TRIM34: variants seen among roughly 807,000 people sequenced by gnomAD.
TRIM34 encodes tripartite motif containing 34, also known as E3 ubiquitin-protein ligase TRIM34.
A neutral mutation model predicts 38.1 loss-of-function variants in TRIM34; 41 were observed. That is an observed-to-expected ratio of 1.08 (90% CI 0.84 to 1.40). The LOEUF is 1.40. TRIM34 is among the 40% of genes most tolerant of loss of function. The probability of loss-of-function intolerance (pLI) is 0.00; values close to 1 mark genes in which losing one functional copy is unlikely to be tolerated. For synonymous variants in TRIM34, 200 were observed against 202.5 expected (o/e 0.99, Z 0.10); for missense variants, 556 against 571.4 (o/e 0.97, Z 0.27).
At chr11:5,632,806 A>C in intron 2 of TRIM34, 52 bp downstream of exon 2, 3 of 1,459,974 alleles carry the variant, frequency 2.1e-6, no homozygotes, top group Non-Finnish European at 2.7e-6. Flanking sequence ...TTGGTGGAAA[A>C]TCTCACCTTT....
At chr11:5,627,734 G>C (rs1453179794) in intron 1 of TRIM34, among the ~76,000 whole-genome samples, 1 of 152,174 alleles carries the variant, frequency 6.6e-6, no homozygotes, top group Non-Finnish European at 1.5e-5. Context: ...CAATGTTTCT[G>C]AGCTCTCAGG....
intron 4 of TRIM34, among the ~76,000 whole-genome samples, chr11:5,639,506 C>T (rs1849893747): frequency 1.3e-5 from 2 of 151,610 alleles, no homozygotes; most frequent in African/African-American, 4.8e-5. Context: ...CAGTGAAACC[C>T]CGTCTCTACT....
upstream of TRIM34, among the ~76,000 whole-genome samples, chr11:5,622,444 CAAAAAAAA>C (rs58936463): frequency 1.7e-5 from 2 of 116,422 alleles, no homozygotes; most frequent in African/African-American, 6.5e-5. Context: ...GACTACCTCT[CAAAAAAAA>C]AAAAAAGAAA....
At chr11:5,636,371 T>A (rs1180488453) in intron 4 of TRIM34, among the ~76,000 whole-genome samples, 1 of 152,188 alleles carries the variant, frequency 6.6e-6, no homozygotes, top group South Asian at 2.1e-4. Context: ...TGGGGAAGAA[T>A]AGGAAGTAAT....
chr11:5,628,714 C>CTAGG, intron 1 of TRIM34, among the ~76,000 whole-genome samples: 1 of 152,174 alleles, frequency 6.6e-6, no homozygotes, highest in South Asian at 2.1e-4. Context: ...CTGTTGTAAC[C>CTAGG]AATTATCACA....
Position 5,633,804 on chromosome 11 carries a change from G to A in TRIM34, c.424G>A (p.Glu142Lys). 1 of 1,613,414 alleles carries A rather than the reference G, an allele frequency of 6.2e-7. No homozygotes were observed. The highest frequency in any genetic ancestry group is 8.5e-7 in the Non-Finnish European group (1 of 1,179,740). ...LTEEVFKECQEKLQAVLKRLK... is the reference protein window; with the variant it reads ...LTEEVFKECQKKLQAVLKRLK... ...CTGTAGTGTGATTCCCTTCTCATAG[G>A]AGAAACTCCAGGCAGTCCTCAAGAG... The change falls in exon 3 of 8, where the codon GAG becomes AAG. Residue 142 changes from glutamate (E) to lysine (K), a missense_variant and splice_region_variant. Coordinates refer to ENST00000429814, the MANE Select transcript of TRIM34 (RefSeq NM_021616.6).
At chr11:5,635,107 A>T (rs1426010331) in intron 4 of TRIM34, among the ~76,000 whole-genome samples, 1 of 152,212 alleles carries the variant, frequency 6.6e-6, no homozygotes, top group African/African-American at 2.4e-5. Context: ...TATGTGATCT[A>T]GTGTCAAGCA....
chr11:5,632,777 A>G, intron 2 of TRIM34, 23 bp downstream of exon 2: 1 of 1,437,486 alleles, frequency 7.0e-7, no homozygotes. Context: ...ATGGAGGGAG[A>G]TGGGGCAGAA....
At chr11:5,620,313 G>C (rs535519830), upstream of TRIM34, among the ~76,000 whole-genome samples, 61 of 151,390 alleles carry the variant, frequency 4.0e-4, no homozygotes, top group Non-Finnish European at 7.1e-4. Flanking sequence ...AAGTAACTGG[G>C]ACTACAGGCG....
At chr11:5,637,153 A>C (rs1381750840) in intron 4 of TRIM34, among the ~76,000 whole-genome samples, 1 of 140,706 alleles carries the variant, frequency 7.1e-6, no homozygotes, top group Non-Finnish European at 1.5e-5. Flanking sequence ...AGCCTGGGCG[A>C]CAGAGCGAGA....
chr11:5,634,963 C>T, intron 4 of TRIM34, 102 bp downstream of exon 4: 2 of 1,279,498 alleles, frequency 1.6e-6, no homozygotes, highest in Non-Finnish European at 2.1e-6. Flanking sequence ...TTTGGCCTTG[C>T]AGTGCCGCCT....
rs1035141276 is a variant in TRIM34, at chr11:5,639,621, A to G, written c.751-1546A>G. On this transcript the variant is annotated intron_variant, in intron 4 of 7. Coordinates refer to ENST00000429814, the MANE Select transcript of TRIM34 (RefSeq NM_021616.6). Reference sequence around the variant, plus strand: ...CTTGAACCGGGGAGGTGGAGGTTGCAGCGAGCCAAGTTCGCACCACTGCAC... The same window carrying G: ...CTTGAACCGGGGAGGTGGAGGTTGCGGCGAGCCAAGTTCGCACCACTGCAC... Among the ~76,000 whole-genome samples the G allele has an allele frequency of 2.8e-5, 4 of 142,352 alleles. 1 individual carries two copies. Among genetic ancestry groups the G allele is most frequent in the Admixed American group, 2.3e-4 (3 of 13,282 alleles). 93.4% of individuals were successfully genotyped at this position (142,352 alleles called of 152,430 possible).
chr11:5,640,382 T>A (rs1849955546), intron 4 of TRIM34, among the ~76,000 whole-genome samples: 1 of 152,206 alleles, frequency 6.6e-6, no homozygotes. Context: ...TTCATGTCTA[T>A]TGAGATCATC....
intron 1 of TRIM34, among the ~76,000 whole-genome samples, chr11:5,626,117 A>G (rs1016397518): frequency 2.0e-5 from 3 of 152,258 alleles, no homozygotes; most frequent in Admixed American, 6.5e-5. Context: ...ACTCCTGGGT[A>G]GAATCCATGT....
chr11:5,632,567 A>G lies in TRIM34; in HGVS notation c.236A>G (p.Glu79Gly). Residue 79 changes from glutamate to glycine, a missense_variant, in exon 2 of 8, where the codon GAG becomes GGG. Glu to Gly is a moderately conservative substitution (Grantham distance 98). Coordinates refer to ENST00000429814, the MANE Select transcript of TRIM34 (RefSeq NM_021616.6). The part of the protein sequence containing the change: ...QANQHLANIV[E>G]RLKEVKLSPD... Reference sequence around the variant, plus strand: ...AATCAGCATCTGGCCAACATAGTGGAGAGACTCAAGGAGGTCAAGTTGAGC... The same window carrying G: ...AATCAGCATCTGGCCAACATAGTGGGGAGACTCAAGGAGGTCAAGTTGAGC... The G allele has an allele frequency of 6.2e-7, 1 of 1,613,962 alleles. No individual in the cohort carries two copies. Among genetic ancestry groups the G allele is most frequent in the Non-Finnish European group, 8.5e-7 (1 of 1,180,012 alleles).
At chr11:5,631,474 CT>C (rs1849479109) in intron 1 of TRIM34, among the ~76,000 whole-genome samples, 1 of 152,114 alleles carries the variant, frequency 6.6e-6, no homozygotes, top group Non-Finnish European at 1.5e-5. Context: ...ACTCTTATTT[CT>C]CAAGAATTTT....
intron 1 of TRIM34, among the ~76,000 whole-genome samples, chr11:5,630,429 G>A (rs981247141): frequency 6.6e-6 from 1 of 152,098 alleles, no homozygotes; most frequent in African/African-American, 2.4e-5. Flanking sequence ...TCATTGGAAA[G>A]AGACTGTCAC....
intron 5 of TRIM34, among the ~76,000 whole-genome samples, chr11:5,641,542 G>T (rs1207790007): frequency 6.6e-6 from 1 of 152,164 alleles, no homozygotes; most frequent in Non-Finnish European, 1.5e-5. Context: ...CATACACATG[G>T]AGGGCCTTGT....
chr11:5,623,371 A>AT (rs1849064995), upstream of TRIM34, among the ~76,000 whole-genome samples: 1 of 151,520 alleles, frequency 6.6e-6, no homozygotes, highest in South Asian at 2.1e-4. Flanking sequence ...GTTTATTTTT[A>AT]TTTTTTTATT....
Sources: gnomAD v4.1 joint callset for allele counts (sites outside exome capture counted in the v4.1 genomes callset) on GRCh38, gnomAD v4.1.1 for gene constraint, MANE v1.5 for transcripts, NCBI Gene and HGNC (gene_info 2026-07-23, HGNC 2026-07-21) for gene names.